MAGT1: variants seen among roughly 807,000 people sequenced by gnomAD.
MAGT1 encodes the protein dolichyl-diphosphooligosaccharide--protein glycosyltransferase subunit MAGT1.
In MAGT1, 4 loss-of-function variants were observed where a neutral mutation model predicts 28.4. The observed-to-expected ratio is 0.14, with a 90% confidence interval of 0.07 to 0.32. The LOEUF (loss-of-function observed/expected upper bound fraction) is 0.32. MAGT1 is among the 10% of genes least tolerant of loss of function. MAGT1 has a pLI of 1.00. For synonymous variants in MAGT1, 89 were observed against 89.7 expected, an observed-to-expected ratio of 0.99 and a Z score of 0.04; for missense variants, 193 against 264.5, an observed-to-expected ratio of 0.73 and a Z score of 1.88.
intron 6 of MAGT1, among the ~76,000 whole-genome samples, 189 bp from the exon 7 acceptor site, chrX:77,854,153 C>T (rs1194508758): frequency 9.0e-6 from 1 of 111,562 alleles, no homozygotes; most frequent in Non-Finnish European, 1.9e-5. Flanking sequence ...TATCTATTCT[C>T]GATTTGTCTT....
intron 8 of MAGT1, among the ~76,000 whole-genome samples, chrX:77,838,579 G>A (rs1422217924): frequency 9.1e-6 from 1 of 110,035 alleles, no homozygotes; most frequent in African/African-American, 3.3e-5. Context: ...CCAACATGGT[G>A]AAATCCCGTC....
At chrX:77,895,242 G>C in intron 1 of MAGT1, 67 bp downstream of exon 1, 1 of 1,133,157 alleles carries the variant, frequency 8.8e-7, no homozygotes, top group Non-Finnish European at 1.2e-6. Context: ...GCTGGGAAGA[G>C]GCGAACAGAC....
At chrX:77,887,839 G>A (rs1364908813) in intron 1 of MAGT1, among the ~76,000 whole-genome samples, 1 of 112,204 alleles carries the variant, frequency 8.9e-6, no homozygotes, top group Non-Finnish European at 1.9e-5. Flanking sequence ...ACAGAGTCTT[G>A]CTCTGCCACC....
chrX:77,868,896 G>C (rs1458558191), intron 3 of MAGT1, among the ~76,000 whole-genome samples: 2 of 111,952 alleles, frequency 1.8e-5, no homozygotes, highest in African/African-American at 6.5e-5. Flanking sequence ...CAGGAAAAAG[G>C]TTCAGTTTCA....
chrX:77,879,214 G>C (rs781825094), intron 1 of MAGT1, among the ~76,000 whole-genome samples: 53 of 110,633 alleles, frequency 4.8e-4, no homozygotes, highest in African/African-American at 1.5e-3. Context: ...ACGCCACCAC[G>C]CCTGGCTAAT....
At chrX:77,874,857 T>C (rs2077029021) in intron 2 of MAGT1, among the ~76,000 whole-genome samples, 1 of 108,883 alleles carries the variant, frequency 9.2e-6, no homozygotes, top group African/African-American at 3.3e-5. Context: ...AAGTTGATAC[T>C]GATTTTTTTT....
chrX:77,889,636 G>A (rs1291687790), intron 1 of MAGT1, among the ~76,000 whole-genome samples: 4 of 110,076 alleles, frequency 3.6e-5, no homozygotes, highest in African/African-American at 1.3e-4. Flanking sequence ...CTCCCAAAGT[G>A]CCAGGATTAT....
At chrX:77,864,364 C>T (rs782154162) in intron 3 of MAGT1, among the ~76,000 whole-genome samples, 73 of 110,473 alleles carry the variant, frequency 6.6e-4, no homozygotes, top group Non-Finnish European at 1.1e-3. Flanking sequence ...TGTTCCATAG[C>T]AGAGTAGCGT....
intron 3 of MAGT1, among the ~76,000 whole-genome samples, chrX:77,865,451 G>A (rs1301956185): frequency 1.8e-5 from 2 of 109,158 alleles, no homozygotes; most frequent in African/African-American, 3.3e-5. Context: ...CACCATGCCC[G>A]TCTAATTTTT....
chrX:77,892,274 AAAT>A (rs781905441), intron 1 of MAGT1, among the ~76,000 whole-genome samples: 1 of 112,379 alleles, frequency 8.9e-6, no homozygotes, highest in East Asian at 2.8e-4. Context: ...GAATTTTTTT[AAAT>A]AATGTTTTCA....
At chrX:77,854,040 T>C in intron 6 of MAGT1, 76 bp from the exon 7 acceptor site, 1 of 751,497 alleles carries the variant, frequency 1.3e-6, no homozygotes, top group Non-Finnish European at 2.1e-6. Flanking sequence ...AAACGGGGTA[T>C]TTTAAACTAT....
chrX:77,831,238 C>T (rs1382165521), intron 8 of MAGT1, among the ~76,000 whole-genome samples: 1 of 110,351 alleles, frequency 9.1e-6, no homozygotes, highest in African/African-American at 3.3e-5. Context: ...AGGATGGTCT[C>T]GATCTCCTGA....
chrX:77,882,058 C>T (rs1412164095), intron 1 of MAGT1, among the ~76,000 whole-genome samples: 3 of 112,192 alleles, frequency 2.7e-5, no homozygotes, highest in African/African-American at 9.7e-5. Flanking sequence ...ACATGATTAT[C>T]TCAATAGATG....
At chrX:77,834,164 C>A (rs1200586308) in intron 8 of MAGT1, among the ~76,000 whole-genome samples, 1 of 96,220 alleles carries the variant, frequency 1.0e-5, no homozygotes, top group African/African-American at 3.8e-5. Flanking sequence ...AGACTGTACA[C>A]CATATATATA....
intron 3 of MAGT1, among the ~76,000 whole-genome samples, chrX:77,869,783 C>T (rs1247802383): frequency 9.1e-5 from 10 of 109,957 alleles, no homozygotes; most frequent in African/African-American, 3.3e-4. Context: ...AAAGGGAACA[C>T]TTTTAACACT....
chrX:77,835,864 C>T (rs1428481702), intron 8 of MAGT1, among the ~76,000 whole-genome samples: 4 of 111,175 alleles, frequency 3.6e-5, no homozygotes, highest in Non-Finnish European at 7.5e-5. Flanking sequence ...AGTGCAGTGG[C>T]GCCAGCTTGG....
chrX:77,865,362 T>C (rs561814246), intron 3 of MAGT1, among the ~76,000 whole-genome samples: 1 of 110,732 alleles, frequency 9.0e-6, no homozygotes, highest in South Asian at 3.8e-4. Context: ...CGATCTCAGA[T>C]CACTACAAGC....
At chrX:77,889,611 T>C (rs2077076760) in intron 1 of MAGT1, among the ~76,000 whole-genome samples, 1 of 109,435 alleles carries the variant, frequency 9.1e-6, no homozygotes, top group Non-Finnish European at 1.9e-5. Flanking sequence ...GAACTCGTGA[T>C]CCGCCTGCCT....
rs782120514 is a variant in MAGT1 at position 77,895,345 on chromosome X, G to A, written c.66C>T (p.Cys22=). The A allele has an allele frequency of 8.3e-7, 1 of 1,212,105 alleles. No homozygotes were observed. Among genetic ancestry groups the A allele is most frequent in the Non-Finnish European group, 1.1e-6 (1 of 895,564 alleles). Residue 22 remains cysteine (C), a synonymous_variant, in exon 1 of 10, where the codon TGC becomes TGT. Transcript: ENST00000618282. ...TTTGGGCAGAGGCTGAGGGAACGTC[G>A]CAAACGATGAGCAGCGCCACCACCA... is the stretch of plus-strand genomic sequence containing the variant. ...VTMVVALLIV[C]DVPSASAQRK...
Sources: gnomAD v4.1 joint callset for allele counts (sites outside exome capture counted in the v4.1 genomes callset) on GRCh38, gnomAD v4.1.1 for gene constraint, MANE v1.5 for transcripts, NCBI Gene and HGNC (gene_info 2026-07-23, HGNC 2026-07-21) for gene names.